Variants in CISD2 observed in about 807,000 individuals in gnomAD.
CISD2 encodes CDGSH iron sulfur domain 2.
A neutral mutation model predicts 12.9 loss-of-function variants in CISD2; 1 was observed. The ratio of observed to expected loss-of-function variants is 0.08; its 90% CI spans 0.03 to 0.37. The LOEUF is 0.37. CISD2 is among the 10% of genes least tolerant of loss of function. The pLI is 0.99. For synonymous variants in CISD2, 50 were observed against 60.6 expected (o/e 0.83, Z 0.81); for missense variants, 97 against 163.1 (o/e 0.59, Z 2.21).
chr4:102,872,171 C>A (rs1376300481), intron 1 of CISD2, among the ~76,000 whole-genome samples: 2 of 152,132 alleles, frequency 1.3e-5, no homozygotes. Flanking sequence ...TGGGTTCAAG[C>A]GATGCTTATG....
chr4:102,878,478 T>C (rs937765632), intron 1 of CISD2, among the ~76,000 whole-genome samples: 46 of 152,204 alleles, frequency 3.0e-4, no homozygotes, highest in African/African-American at 1.1e-3. Flanking sequence ...TTCCAAACTT[T>C]TATGCTCTGC....
intron 1 of CISD2, 31 bp from the exon 2 acceptor site, chr4:102,885,185 A>G (rs1290821307): frequency 1.3e-6 from 2 of 1,530,968 alleles, no homozygotes; most frequent in Non-Finnish European, 9.1e-7. Context: ...TTCCAAGAGC[A>G]CTGCAGATTC....
At chr4:102,875,220 A>G (rs999575327) in intron 1 of CISD2, among the ~76,000 whole-genome samples, 1 of 152,236 alleles carries the variant, frequency 6.6e-6, no homozygotes, top group Non-Finnish European at 1.5e-5. Flanking sequence ...CCATATTCCC[A>G]TGAACTTCTG....
chr4:102,873,312 G>T (rs1733508491), intron 1 of CISD2, among the ~76,000 whole-genome samples: 1 of 152,136 alleles, frequency 6.6e-6, no homozygotes, highest in Non-Finnish European at 1.5e-5. Context: ...TGTTGCCCAG[G>T]CTGGAGTGCA....
At position 102,889,730 on chromosome 4, in the gene CISD2, G is replaced by A. The variant is rs1175918228; in HGVS notation, c.*2300G>A. On this transcript the variant is annotated 3_prime_UTR_variant, in exon 3 of 3. Transcript: ENST00000273986. ...ATTTTTCAGAAGCGTAGGGTTGGTA[G>A]TAAGCTGTTGCTTTAATAACTCCTT... 1 of 152,194 alleles carries A rather than the reference G, an allele frequency of 6.6e-6. No individual in the cohort carries two copies. Among genetic ancestry groups the A allele is most frequent in the Admixed American group, 6.5e-5 (1 of 15,284 alleles). The allele number at this position is 152,194 out of a possible 1,614,324, so 9.4% of individuals were successfully genotyped here.
At chr4:102,884,969 A>G in intron 1 of CISD2, 1 of 459,172 alleles carries the variant, frequency 2.2e-6, no homozygotes, top group Non-Finnish European at 4.0e-6. Flanking sequence ...ATGAGATAGG[A>G]TATTTGAAAT....
In CISD2 at chr4:102,891,871, C is replaced by T. The variant is rs1210685624; in HGVS notation, c.*4441C>T. On this transcript the variant is annotated 3_prime_UTR_variant, in exon 3 of 3. Coordinates refer to ENST00000273986, the MANE Select transcript of CISD2 (RefSeq NM_001008388.5). ...ACATGTGCAGCAGTTCTGTGACTCC[C>T]TCAACATCCGGTTGGCCATATAGTC... 2.0e-5 allele frequency: 3 copies of T among 152,128 alleles called. No individual in the cohort carries two copies. Among genetic ancestry groups the T allele is most frequent in the Non-Finnish European group, 4.4e-5 (3 of 68,024 alleles). The allele number at this position is 152,128 out of a possible 1,614,324, so 9.4% of individuals were successfully genotyped here.
intron 1 of CISD2, among the ~76,000 whole-genome samples, chr4:102,875,999 A>G (rs532990137): frequency 1.3e-5 from 2 of 152,116 alleles, no homozygotes; most frequent in African/African-American, 2.4e-5. Flanking sequence ...CAGCCACCCT[A>G]CTGCTTTGCC....
chr4:102,875,753 A>G (rs1733577381), intron 1 of CISD2, among the ~76,000 whole-genome samples: 2 of 152,200 alleles, frequency 1.3e-5, no homozygotes, highest in African/African-American at 4.8e-5. Flanking sequence ...ACCTAACTAT[A>G]TAGTTTTAAG....
intron 1 of CISD2, among the ~76,000 whole-genome samples, chr4:102,878,925 G>A (rs1490427582): frequency 6.6e-6 from 1 of 152,122 alleles, no homozygotes; most frequent in Non-Finnish European, 1.5e-5. Flanking sequence ...CCCCAAACTG[G>A]GTAATTTATA....
At chr4:102,880,588 G>T (rs1733691886) in intron 1 of CISD2, among the ~76,000 whole-genome samples, 1 of 151,924 alleles carries the variant, frequency 6.6e-6, no homozygotes, top group African/African-American at 2.4e-5. Context: ...GGAGGCACAA[G>T]AATCACTTGA....
intron 1 of CISD2, chr4:102,874,362 CTA>C (rs1312659975): frequency 6.6e-6 from 1 of 152,176 alleles, no homozygotes; most frequent in African/African-American, 2.4e-5. Context: ...GGGTTGAAGA[CTA>C]TTGGGTACTA....
chr4:102,873,412 C>CA (rs1365768453), intron 1 of CISD2, among the ~76,000 whole-genome samples: 1 of 152,068 alleles, frequency 6.6e-6, no homozygotes, highest in Non-Finnish European at 1.5e-5. Flanking sequence ...GCTGGTACTA[C>CA]AGGTGCACGC....
chr4:102,877,601 G>T (rs998585736), intron 1 of CISD2, among the ~76,000 whole-genome samples: 3 of 152,214 alleles, frequency 2.0e-5, no homozygotes, highest in Non-Finnish European at 4.4e-5. Context: ...GCTCTGCCAG[G>T]CAGTGACACA....
intron 1 of CISD2, among the ~76,000 whole-genome samples, chr4:102,873,728 CAAAAAAAA>C (rs35907341): frequency 2.6e-5 from 2 of 78,430 alleles, no homozygotes; most frequent in South Asian, 4.5e-4. Context: ...GAAACCGTCT[CAAAAAAAA>C]AAAAAAAAAA....
At chr4:102,886,571 T>C (rs1733930248) in intron 2 of CISD2, among the ~76,000 whole-genome samples, 1 of 152,188 alleles carries the variant, frequency 6.6e-6, no homozygotes, top group Non-Finnish European at 1.5e-5. Flanking sequence ...TATGTGTATC[T>C]GGATGGGTTA....
In CISD2 at chr4:102,888,238, A is replaced by ATT. The variant is rs1734040514; in HGVS notation, c.*812_*813dup. The stretch of plus-strand genomic sequence containing the variant: ...TGTTCAAAATTGTGTTTATGTGGAT[A>ATT]TTTTTCTCTTTTTAACACTATAAAC... On this transcript the variant is annotated 3_prime_UTR_variant, in exon 3 of 3. Transcript: ENST00000273986. 6.6e-6 allele frequency: 1 copy of ATT among 152,132 alleles called. No homozygotes were observed. Among genetic ancestry groups the ATT allele is most frequent in the Admixed American group, 6.5e-5 (1 of 15,270 alleles). The allele number at this position is 152,132 out of a possible 1,614,324, so 9.4% of individuals were successfully genotyped here. A position where few individuals can be genotyped will look rare whatever the true frequency, so the allele number is the denominator to read the frequency against.
intron 1 of CISD2, among the ~76,000 whole-genome samples, chr4:102,882,187 G>A (rs1733737363): frequency 6.6e-6 from 1 of 152,066 alleles, no homozygotes; most frequent in African/African-American, 2.4e-5. Flanking sequence ...GTGAAACCCT[G>A]TCTCAAAAAT....
At chr4:102,879,413 A>G (rs1238421159) in intron 1 of CISD2, among the ~76,000 whole-genome samples, 2 of 152,130 alleles carry the variant, frequency 1.3e-5, no homozygotes, top group East Asian at 3.8e-4. Context: ...TTCTGGGGCA[A>G]TGGAAATGTA....
Sources: gnomAD v4.1 joint callset for allele counts (sites outside exome capture counted in the v4.1 genomes callset) on GRCh38, gnomAD v4.1.1 for gene constraint, MANE v1.5 for transcripts, NCBI Gene and HGNC (gene_info 2026-07-23, HGNC 2026-07-21) for gene names.